NVL: variants seen among roughly 807,000 people sequenced by gnomAD.
NVL encodes nuclear valosin-containing protein-like.
In NVL, 84 loss-of-function variants were observed where a neutral mutation model predicts 110.2. The ratio of observed to expected loss-of-function variants is 0.76; its 90% CI spans 0.64 to 0.91. The LOEUF is 0.91. Among genes scored for constraint, NVL ranks in the 40% least tolerant of loss-of-function variants. The pLI is 0.00. For synonymous variants in NVL, 354 were observed against 361.1 expected (o/e 0.98, Z 0.22); for missense variants, 882 against 1,035.9 (o/e 0.85, Z 2.04).
rs138434153 is a variant in NVL, at chr1:224,243,103, A to T, written c.2290-6521T>A. Among the ~76,000 whole-genome samples, 709 of 151,784 alleles carry T rather than the reference A, an allele frequency of 4.7e-3. 3 individuals carry two copies. Among genetic ancestry groups the T allele is most frequent in the Admixed American group, 7.6e-3 (115 of 15,200 alleles). ...GGCCAGTAATTTTATTTATTTATTT[A>T]TTTTTTATTTTAAAATCCAGCTTCT... On this transcript the variant is annotated intron_variant, in intron 19 of 22. Transcript: ENST00000281701.
Position 224,309,426 on chromosome 1 carries a change from G to A in NVL, c.343-1163C>T, listed in dbSNP as rs571574939. Among the ~76,000 whole-genome samples the A allele has an allele frequency of 2.9e-4, 44 of 152,184 alleles. 1 individual carries two copies. The highest frequency in any genetic ancestry group is 2.3e-3 in the South Asian group (11 of 4,820). ...CCTAGCTACTTGGGAGGCTAAGGTA[G>A]GAGGACAACTTGAGCCCAAGAGTTT... On this transcript the variant is annotated intron_variant, in intron 5 of 22. Coordinates refer to ENST00000281701, the MANE Select transcript of NVL (RefSeq NM_002533.4).
intron 5 of NVL, among the ~76,000 whole-genome samples, chr1:224,308,493 C>G (rs545467241): frequency 4.6e-4 from 70 of 150,686 alleles, no homozygotes; most frequent in Non-Finnish European, 7.5e-4. Context: ...GAGTTCAAGA[C>G]CAGCCTAGCC....
chr1:224,273,947 A>C (rs2102848513), intron 17 of NVL, among the ~76,000 whole-genome samples: 1 of 151,854 alleles, frequency 6.6e-6, no homozygotes, highest in African/African-American at 2.4e-5. Context: ...ATTTATTTAT[A>C]TTAGTCATCC....
At chr1:224,294,106 G>T (rs1667636446) in intron 12 of NVL, among the ~76,000 whole-genome samples, 161 bp downstream of exon 12, 3 of 152,184 alleles carry the variant, frequency 2.0e-5, no homozygotes, top group Non-Finnish European at 4.4e-5. Context: ...AGGCATAAAT[G>T]ATTTTCTTAA....
intron 2 of NVL, 23 bp downstream of exon 2, chr1:224,326,368 A>T: frequency 1.3e-6 from 2 of 1,551,422 alleles, no homozygotes; most frequent in Non-Finnish European, 1.8e-6. Flanking sequence ...AAATCCAAGG[A>T]TCCGGAAACT....
chr1:224,324,389 T>G (rs754232700), intron 2 of NVL, among the ~76,000 whole-genome samples: 7 of 152,342 alleles, frequency 4.6e-5, no homozygotes, highest in Non-Finnish European at 1.0e-4. Flanking sequence ...AATCATACCT[T>G]GAATCTCAGC....
rs1192908698 is a variant in NVL, at chr1:224,287,769, A to G, written c.1794+6T>C. ...GCCAATAATATTTGGCAGCTGATATACCTACCAATATTGCCATGGTGAGCT... is the reference window on the plus strand; with the variant it reads ...GCCAATAATATTTGGCAGCTGATATGCCTACCAATATTGCCATGGTGAGCT... On this transcript the variant is annotated splice_donor_region_variant and intron_variant, in intron 14 of 22. Transcript: ENST00000281701. 21 of 1,611,404 alleles carry G rather than the reference A, an allele frequency of 1.3e-5. No individual in the cohort carries two copies. In the Admixed American group the frequency reaches 3.5e-4, roughly 27 times the overall value.
chr1:224,285,932 TAA>T (rs1187762336), intron 15 of NVL, 92 bp downstream of exon 15: 5 of 879,672 alleles, frequency 5.7e-6, no homozygotes, highest in Non-Finnish European at 7.0e-6. Flanking sequence ...AAATTATGCA[TAA>T]GACTTACCTC....
At chr1:224,246,963 A>C (rs1050573735) in intron 19 of NVL, among the ~76,000 whole-genome samples, 2 of 151,118 alleles carry the variant, frequency 1.3e-5, no homozygotes, top group African/African-American at 4.9e-5. Flanking sequence ...ATATGCTTGA[A>C]CCCAGGAGGT....
At chr1:224,250,080 G>T in intron 19 of NVL, 132 bp downstream of exon 19, 1 of 752,200 alleles carries the variant, frequency 1.3e-6, no homozygotes, top group Non-Finnish European at 2.1e-6. Context: ...CCTTCCCTTT[G>T]GGAGATATAG....
At chr1:224,304,892 A>G (rs1668769150) in intron 7 of NVL, 80 bp from the exon 8 acceptor site, 3 of 1,489,870 alleles carry the variant, frequency 2.0e-6, no homozygotes, top group East Asian at 2.3e-5. Flanking sequence ...CTTTAAGTAA[A>G]CAAAGGTCCA....
At chr1:224,269,384 A>G (rs949612700) in intron 17 of NVL, among the ~76,000 whole-genome samples, 1 of 152,082 alleles carries the variant, frequency 6.6e-6, no homozygotes, top group Non-Finnish European at 1.5e-5. Context: ...CTGCACCTGG[A>G]CGACACTAAT....
At chr1:224,231,432 T>C (rs1260656050) in intron 21 of NVL, 136 bp from the exon 22 acceptor site, 2 of 647,862 alleles carry the variant, frequency 3.1e-6, no homozygotes, top group Non-Finnish European at 5.4e-6. Context: ...CTCTGTTCTT[T>C]TTCAGAACAG....
intron 2 of NVL, among the ~76,000 whole-genome samples, chr1:224,323,980 C>A (rs761754261): frequency 1.3e-5 from 2 of 152,172 alleles, no homozygotes; most frequent in Non-Finnish European, 2.9e-5. Context: ...TTGTGCATCA[C>A]TAAACAATGG....
intron 2 of NVL, among the ~76,000 whole-genome samples, chr1:224,319,639 G>A (rs1363009712): frequency 6.6e-6 from 1 of 151,960 alleles, no homozygotes; most frequent in Non-Finnish European, 1.5e-5. Context: ...GAAGGATCCA[G>A]GCCAGCTAAT....
At position 224,314,403 on chromosome 1, in the gene NVL, T is replaced by C. The variant is rs117312643; in HGVS notation, c.285-2546A>G. On this transcript the variant is annotated intron_variant, in intron 4 of 22. Transcript: ENST00000281701. The stretch of plus-strand genomic sequence containing the variant: ...AAAATGGGGCTATCACCCCAAATCC[T>C]GTAGACATTAAAAGGATAACAAGAG... Among the ~76,000 whole-genome samples the C allele has an allele frequency of 8.5e-5, 13 of 152,318 alleles. No individual in the cohort carries two copies. In the East Asian group the frequency reaches 2.3e-3, roughly 27 times the overall value.
At chr1:224,274,059 C>CACACACACACACACAT (rs56312516) in intron 17 of NVL, among the ~76,000 whole-genome samples, 1 of 133,100 alleles carries the variant, frequency 7.5e-6, no homozygotes, top group Non-Finnish European at 1.6e-5. Flanking sequence ...CACACACACA[C>CACACACACACACACAT]CCATATTGAA....
rs143207798 is a variant in NVL, at chr1:224,287,918, T to C, written c.1651A>G (p.Ile551Val). The change falls in exon 14 of 23, where the codon ATT becomes GTT. Residue 551 changes from isoleucine (I) to valine (V), a missense_variant. Around this residue, in one of 4 missense-constraint regions of NVL, gnomAD observed 416 missense variants for 499.3 expected, o/e 0.83. Transcript: ENST00000281701. The part of the protein sequence containing the change: ...LSEEQMQGLC[I>V]ELNDFIVALS... ...GCAACAATGAAATCATTCAGTTCAA[T>C]GCACAGTCCTTGCATCTGCTCCTCT... 2.0e-5 allele frequency: 33 copies of C among 1,613,998 alleles called. No individual in the cohort carries two copies. The highest frequency in any genetic ancestry group is 2.8e-5 in the Non-Finnish European group (33 of 1,180,024).
At chr1:224,275,225 A>T (rs1665637654) in intron 17 of NVL, 114 bp downstream of exon 17, 1 of 1,197,870 alleles carries the variant, frequency 8.3e-7, no homozygotes, top group Admixed American at 2.1e-5. Flanking sequence ...AAGTGTCTTC[A>T]TTAAGAGTCT....
Sources: gnomAD v4.1 joint callset for allele counts (sites outside exome capture counted in the v4.1 genomes callset) on GRCh38, gnomAD v4.1.1 for gene constraint, gnomAD v4.1.1 regional missense constraint, MANE v1.5 for transcripts, NCBI Gene and HGNC (gene_info 2026-07-23, HGNC 2026-07-21) for gene names.